LZIC: variants seen among roughly 807,000 people sequenced by gnomAD.
LZIC encodes leucine zipper and CTNNBIP1 domain containing.
A neutral mutation model predicts 25.4 loss-of-function variants in LZIC; 28 were observed. The observed-to-expected ratio is 1.10, with a 90% CI of 0.82 to 1.51. LZIC has a LOEUF of 1.51. LZIC is among the 40% of genes most tolerant of loss of function. LZIC has a pLI of 0.00. For missense variants in LZIC, 170 were observed against 211.1 expected (o/e 0.81, Z 1.21); for synonymous variants, 65 against 70.7 (o/e 0.92, Z 0.40).
chr1:9,936,675 T>C (rs1244680223), intron 2 of LZIC, 48 bp from the exon 3 acceptor site: 1 of 1,253,622 alleles, frequency 8.0e-7, no homozygotes, highest in Admixed American at 1.8e-5. Flanking sequence ...AACATACCAG[T>C]GCAATTTTTT....
At chr1:9,938,185 T>C (rs982560254) in intron 2 of LZIC, among the ~76,000 whole-genome samples, 3 of 152,170 alleles carry the variant, frequency 2.0e-5, no homozygotes, top group African/African-American at 7.2e-5. Context: ...AACTTTTTTT[T>C]GAGATAGGGT....
At position 9,926,753 on chromosome 1, in the gene LZIC, T is replaced by C. The variant is rs1339991164; in HGVS notation, c.*3646A>G. Among the ~76,000 whole-genome samples, 3 of 152,210 alleles carry C rather than the reference T, an allele frequency of 2.0e-5. No individual in the cohort carries two copies. The highest frequency in any genetic ancestry group is 2.9e-5 in the Non-Finnish European group (2 of 68,030). On this transcript the variant is annotated 3_prime_UTR_variant, in exon 8 of 8. Coordinates refer to ENST00000377223, the MANE Select transcript of LZIC (RefSeq NM_032368.5). ...AAAATATTAGCCTGACACAAGAATG[T>C]TGAAAGGTTAGCTGCCTTAGCTTTA...
chr1:9,936,990 G>A (rs1292313093), intron 2 of LZIC, among the ~76,000 whole-genome samples: 2 of 152,138 alleles, frequency 1.3e-5, no homozygotes, highest in African/African-American at 4.8e-5. Flanking sequence ...AAGGCCGGAT[G>A]TGGTGGCTCA....
chr1:9,928,736 C>T lies in LZIC; in HGVS notation c.*1663G>A, dbSNP rs1224858316. 6.6e-6 allele frequency among the ~76,000 whole-genome samples: 1 copy of T among 151,666 alleles called. No homozygotes were observed. On this transcript the variant is annotated 3_prime_UTR_variant, in exon 8 of 8. Transcript: ENST00000377223. ...ACTAAAGGTACAAAAATTAGCTGGG[C>T]GTGGTGGTACACACTAGTAATCCCA... is the stretch of plus-strand genomic sequence containing the variant.
At chr1:9,925,101 C>T (rs1639949240), downstream of LZIC, among the ~76,000 whole-genome samples, 1 of 149,412 alleles carries the variant, frequency 6.7e-6, no homozygotes, top group East Asian at 2.0e-4. Flanking sequence ...CACCTGAGGT[C>T]GGGACTTTGA....
chr1:9,936,585 A>C lies in LZIC; in HGVS notation c.35T>G (p.Leu12Ter), dbSNP rs767540560. 1 of 1,613,620 alleles carries C rather than the reference A, an allele frequency of 6.2e-7. No individual in the cohort carries two copies. Among genetic ancestry groups the C allele is most frequent in the Non-Finnish European group, 8.5e-7 (1 of 1,179,630 alleles). The change falls in exon 3 of 8, where the codon TTA becomes TGA. Residue 12 changes from leucine (L) to a stop codon, truncating the protein, a stop_gained. Coordinates refer to ENST00000377223, the MANE Select transcript of LZIC (RefSeq NM_032368.5). LOFTEE classifies it high-confidence loss of function. ...CAACTGTTCTTCTAAATTCTGCTTTAATTTGCTTGTCTCTGTCTTTCCTCT... is the reference window on the plus strand; with the variant it reads ...CAACTGTTCTTCTAAATTCTGCTTTCATTTGCTTGTCTCTGTCTTTCCTCT... Reference protein sequence around the residue: ...ASRGKTETSKLKQNLEEQLDR... With the variant: ...ASRGKTETSK
downstream of LZIC, among the ~76,000 whole-genome samples, chr1:9,925,343 C>G (rs550604376): frequency 5.3e-5 from 8 of 152,016 alleles, no homozygotes; most frequent in South Asian, 1.0e-3. Flanking sequence ...AACAAAAAAC[C>G]CTTACCAGCA....
intron 7 of LZIC, among the ~76,000 whole-genome samples, chr1:9,931,154 A>C (rs1640195644): frequency 6.6e-6 from 1 of 151,920 alleles, no homozygotes. Context: ...GCAGCCTCAA[A>C]TATCTGGGTT....
chr1:9,939,342 A>C (rs1640592204), intron 2 of LZIC, among the ~76,000 whole-genome samples: 1 of 148,698 alleles, frequency 6.7e-6, no homozygotes. Context: ...GATTACAGGC[A>C]TGAGGCACCC....
At chr1:9,924,718 A>G (rs1042297087), downstream of LZIC, among the ~76,000 whole-genome samples, 5 of 152,130 alleles carry the variant, frequency 3.3e-5, no homozygotes, top group Admixed American at 6.6e-5. Flanking sequence ...TCTGTTTTCA[A>G]TCTGGCCTGG....
At chr1:9,942,603 A>C in intron 2 of LZIC, 21 bp downstream of exon 2, 1 of 1,181,652 alleles carries the variant, frequency 8.5e-7, no homozygotes, top group Non-Finnish European at 1.1e-6. Context: ...TCTGGAGCGG[A>C]GGGTCCTCAT....
downstream of LZIC, among the ~76,000 whole-genome samples, chr1:9,924,076 C>CG (rs1310172830): frequency 8.6e-5 from 13 of 151,154 alleles, no homozygotes; most frequent in Admixed American, 6.6e-4. Context: ...TTAGTAGACC[C>CG]GGGGTTCCCC....
chr1:9,922,686 G>A (rs1212865723), downstream of LZIC, among the ~76,000 whole-genome samples: 3 of 152,226 alleles, frequency 2.0e-5, no homozygotes, highest in Admixed American at 1.3e-4. Context: ...GCAGAAGCAC[G>A]TTCTTAGGAA....
In LZIC at chr1:9,935,643, A is replaced by G. The variant is rs966147307; in HGVS notation, c.102-16T>C. 1 of 1,582,176 alleles carries G rather than the reference A, an allele frequency of 6.3e-7. No homozygotes were observed. The highest frequency in any genetic ancestry group is 1.4e-5 in the African/African-American group (1 of 72,980). On this transcript the variant is annotated splice_polypyrimidine_tract_variant and intron_variant, in intron 3 of 7. Coordinates refer to ENST00000377223, the MANE Select transcript of LZIC (RefSeq NM_032368.5). Reference sequence around the variant, plus strand: ...AAGTTCCTCTCTGAAATAGGTGAACATCATGATATGGAAAAATGAAGAGTT... The same window carrying G: ...AAGTTCCTCTCTGAAATAGGTGAACGTCATGATATGGAAAAATGAAGAGTT...
chr1:9,925,268 G>C (rs12760309), downstream of LZIC, among the ~76,000 whole-genome samples: 2 of 151,934 alleles, frequency 1.3e-5, no homozygotes, highest in South Asian at 2.1e-4. Flanking sequence ...AGCCGAGATC[G>C]GGCCATTGCA....
At chr1:9,922,965 A>G (rs1639897924), downstream of LZIC, among the ~76,000 whole-genome samples, 1 of 152,184 alleles carries the variant, frequency 6.6e-6, no homozygotes, top group Non-Finnish European at 1.5e-5. Flanking sequence ...CACCAACTCA[A>G]TCACATTCTT....
In LZIC at chr1:9,928,156, A is replaced by C. The variant is rs1401597800; in HGVS notation, c.*2243T>G. 6.6e-6 allele frequency among the ~76,000 whole-genome samples: 1 copy of C among 152,050 alleles called. No individual in the cohort carries two copies. The highest frequency in any genetic ancestry group is 1.5e-5 in the Non-Finnish European group (1 of 68,006). On this transcript the variant is annotated 3_prime_UTR_variant, in exon 8 of 8. Transcript: ENST00000377223. ...ATGGAGAAACCCCATCTCTACTAAA[A>C]ACACAAAATTAGCCAGGTGTGGTGG...
downstream of LZIC, among the ~76,000 whole-genome samples, chr1:9,924,407 T>C (rs1639931624): frequency 6.6e-6 from 1 of 152,084 alleles, no homozygotes; most frequent in South Asian, 2.1e-4. Context: ...CAGGCTGGAG[T>C]GCAGTGGCGC....
At position 9,940,102 on chromosome 1, in the gene LZIC, G is replaced by C. The variant is rs530455354; in HGVS notation, c.-9+2522C>G. On this transcript the variant is annotated intron_variant, in intron 2 of 7. Transcript: ENST00000377223. ...ACACTGCACTCCAGCCTGGGAGACAGAGTGAGACTCCTACTCAAAAAAAAA... is the reference window on the plus strand; with the variant it reads ...ACACTGCACTCCAGCCTGGGAGACACAGTGAGACTCCTACTCAAAAAAAAA... Among the ~76,000 whole-genome samples, 7 of 151,958 alleles carry C rather than the reference G, an allele frequency of 4.6e-5. No individual in the cohort carries two copies. In the East Asian group the frequency reaches 1.4e-3, roughly 30 times the overall value.
Sources: gnomAD v4.1 joint callset for allele counts (sites outside exome capture counted in the v4.1 genomes callset) on GRCh38, gnomAD v4.1.1 for gene constraint, MANE v1.5 for transcripts, NCBI Gene and HGNC (gene_info 2026-07-23, HGNC 2026-07-21) for gene names.